The following UTRN variants were observed in gnomAD, a reference collection of about 807,000 sequenced individuals.
UTRN encodes the protein dystrophin-related protein 1.
In UTRN, 283 loss-of-function variants were observed where a neutral mutation model predicts 463.9. That is an observed-to-expected ratio of 0.61 (90% CI 0.55 to 0.67). UTRN has a LOEUF of 0.67. Ranked by LOEUF, UTRN falls within the 30% of genes least tolerant of loss-of-function variation. The pLI, the probability that UTRN is intolerant of heterozygous loss-of-function variation, is 0.00. For missense variants in UTRN, 3,922 were observed against 4,084.3 expected (o/e 0.96, Z 1.08); for synonymous variants, 1,442 against 1,431.5 (o/e 1.01, Z -0.17).
At chr6:144,711,692 A>G (rs1455125526) in intron 53 of UTRN, among the ~76,000 whole-genome samples, 2 of 152,234 alleles carry the variant, frequency 1.3e-5, no homozygotes, top group South Asian at 2.1e-4. Context: ...CCTTTCTCCA[A>G]TAGAATGCAT....
chr6:144,790,865 T>C (rs1398383904), intron 62 of UTRN, among the ~76,000 whole-genome samples: 1 of 152,204 alleles, frequency 6.6e-6, no homozygotes, highest in Non-Finnish European at 1.5e-5. Context: ...GTAACAGTTA[T>C]AGTGTGGAGC....
chr6:144,826,038 C>G (rs768486282), intron 66 of UTRN, among the ~76,000 whole-genome samples: 26 of 150,526 alleles, frequency 1.7e-4, no homozygotes, highest in Non-Finnish European at 3.5e-4. Context: ...AGGAGATATA[C>G]CTAATGCTAA....
rs1399788881 is a variant in UTRN, at chr6:144,482,297, G to A, written c.3596G>A (p.Gly1199Asp). 6.2e-7 allele frequency: 1 copy of A among 1,609,590 alleles called. No homozygotes were observed. Among genetic ancestry groups the A allele is most frequent in the South Asian group, 1.1e-5 (1 of 89,874 alleles). Reference sequence around the variant, plus strand: ...TTATTAGCTGCCAAGGTGCCCTCTGGTGGCCAGGAGTTGACGTCTGAGCTG... The same window carrying A: ...TTATTAGCTGCCAAGGTGCCCTCTGATGGCCAGGAGTTGACGTCTGAGCTG... ...IKLLAAKVPS[G>D]GQELTSELNV... Residue 1199 changes from glycine (G) to aspartate (D), a missense_variant, in exon 27 of 75, where the codon GGT becomes GAT. By Grantham distance (94) the Gly-to-Asp change is moderately conservative. This residue lies in a region of UTRN where 2,349 missense variants were observed against 2,303.8 expected (regional missense o/e 1.02). Coordinates refer to ENST00000367545, the MANE Select transcript of UTRN (RefSeq NM_007124.3).
At chr6:144,451,066 C>T (rs1037512245) in intron 17 of UTRN, among the ~76,000 whole-genome samples, 3 of 152,118 alleles carry the variant, frequency 2.0e-5, no homozygotes, top group Admixed American at 6.5e-5. Flanking sequence ...GAGCCGAGAT[C>T]GTGCCATTGC....
chr6:144,739,903 T>C (rs775359603), intron 54 of UTRN, among the ~76,000 whole-genome samples: 1 of 152,088 alleles, frequency 6.6e-6, no homozygotes, highest in African/African-American at 2.4e-5. Flanking sequence ...GGAGGAAGAA[T>C]CCAATCCCAT....
intron 51 of UTRN, among the ~76,000 whole-genome samples, chr6:144,599,274 G>C (rs559155832): frequency 3.9e-5 from 6 of 152,258 alleles, no homozygotes; most frequent in African/African-American, 1.4e-4. Context: ...AGAAAGTGAG[G>C]AAGAGTACTC....
At chr6:144,625,350 A>T (rs561257815) in intron 51 of UTRN, among the ~76,000 whole-genome samples, 1 of 152,328 alleles carries the variant, frequency 6.6e-6, no homozygotes, top group Admixed American at 6.5e-5. Context: ...ATGTAATTAT[A>T]CTATTTTGAG....
chr6:144,507,050 C>T (rs116853034), intron 34 of UTRN, among the ~76,000 whole-genome samples: 2,688 of 151,870 alleles, frequency 0.018, 37 homozygotes, highest in Middle Eastern at 0.031. Flanking sequence ...TCCGCTTGAT[C>T]GATTCAGCTA....
chr6:144,316,592 A>T (rs888023231), intron 2 of UTRN, among the ~76,000 whole-genome samples: 1 of 152,254 alleles, frequency 6.6e-6, no homozygotes, highest in Non-Finnish European at 1.5e-5. Context: ...TAGTTTCACT[A>T]TAAAAGTTAG....
intron 9 of UTRN, among the ~76,000 whole-genome samples, chr6:144,432,970 C>T (rs561474151): frequency 0.028 from 4,276 of 152,134 alleles, 210 homozygotes; most frequent in African/African-American, 0.097. Flanking sequence ...TGAGTGGACA[C>T]AGCACATGTT....
Position 144,475,327 on chromosome 6 carries a change from A to AT in UTRN, c.3336+570dup, listed in dbSNP as rs558736417. Among the ~76,000 whole-genome samples the AT allele has an allele frequency of 1.2e-4, 18 of 152,366 alleles. No individual in the cohort carries two copies. In the Middle Eastern group the frequency reaches 0.014, roughly 115 times the overall value. ...AGCCTTGTAAGGTTCAGATAAGAACATTCAGGCGTGGAGAATAGCAGGCTT... is the reference window on the plus strand; with the variant it reads ...AGCCTTGTAAGGTTCAGATAAGAACATTTCAGGCGTGGAGAATAGCAGGCTT... On this transcript the variant is annotated intron_variant, in intron 25 of 74. Transcript: ENST00000367545.
chr6:144,307,868 A>T (rs570656358), intron 2 of UTRN, among the ~76,000 whole-genome samples: 1 of 151,758 alleles, frequency 6.6e-6, no homozygotes, highest in East Asian at 1.9e-4. Context: ...GCTCAGGTGG[A>T]ATGGATATCA....
chr6:144,304,082 T>C (rs960149367), intron 2 of UTRN, among the ~76,000 whole-genome samples: 2 of 152,204 alleles, frequency 1.3e-5, no homozygotes, highest in African/African-American at 2.4e-5. Context: ...CTTTCCTTAA[T>C]GTGATGCTCT....
At chr6:144,356,823 T>G (rs1338647504) in intron 2 of UTRN, among the ~76,000 whole-genome samples, 1 of 151,796 alleles carries the variant, frequency 6.6e-6, no homozygotes. Flanking sequence ...AGACTCCGTC[T>G]AAAATATGAA....
At chr6:144,581,972 T>G (rs1409909312) in intron 51 of UTRN, among the ~76,000 whole-genome samples, 1 of 152,198 alleles carries the variant, frequency 6.6e-6, no homozygotes, top group African/African-American at 2.4e-5. Context: ...TACACAGATA[T>G]GGTGACATTG....
At chr6:144,660,210 A>G in intron 51 of UTRN, 1 of 471,162 alleles carries the variant, frequency 2.1e-6, no homozygotes, top group Non-Finnish European at 4.4e-6. Flanking sequence ...TGTAGGCTTC[A>G]AGGGCTACTG....
chr6:144,604,425 G>A (rs1804600648), intron 51 of UTRN, among the ~76,000 whole-genome samples: 1 of 152,128 alleles, frequency 6.6e-6, no homozygotes, highest in Non-Finnish European at 1.5e-5. Flanking sequence ...AGGCCGATCT[G>A]CAAGATTATG....
At chr6:144,820,599 CTAAT>C (rs1270031771) in intron 65 of UTRN, among the ~76,000 whole-genome samples, 1 of 152,162 alleles carries the variant, frequency 6.6e-6, no homozygotes, top group East Asian at 1.9e-4. Context: ...AATTTCAAAA[CTAAT>C]TATACTTTTT....
At chr6:144,482,740 A>T (rs1792032194) in intron 27 of UTRN, among the ~76,000 whole-genome samples, 1 of 152,172 alleles carries the variant, frequency 6.6e-6, no homozygotes, top group Non-Finnish European at 1.5e-5. Context: ...AAAATTGCAG[A>T]GCACATTTCA....
Sources: allele counts gnomAD v4.1 joint callset (sites outside exome capture counted in the v4.1 genomes callset), GRCh38; gene constraint gnomAD v4.1.1; regional missense constraint gnomAD v4.1.1; transcripts MANE v1.5; gene names NCBI Gene and HGNC (gene_info 2026-07-23, HGNC 2026-07-21).